UBASH3A: variants seen among roughly 807,000 people sequenced by gnomAD.
UBASH3A encodes ubiquitin-associated and SH3 domain-containing protein A.
A neutral mutation model predicts 73.5 loss-of-function variants in UBASH3A; 63 were observed. The observed-to-expected ratio is 0.86, with a 90% CI of 0.70 to 1.06. UBASH3A has a LOEUF of 1.06. UBASH3A is among the 50% of genes least tolerant of loss of function. The probability of loss-of-function intolerance (pLI) is 0.00; values close to 1 mark genes in which losing one functional copy is unlikely to be tolerated. For missense variants in UBASH3A, 860 were observed against 859.0 expected (o/e 1.00, Z -0.02); for synonymous variants, 363 against 351.1 (o/e 1.03, Z -0.38).
chr21:42,410,786 A>G (rs935010229), intron 3 of UBASH3A, among the ~76,000 whole-genome samples: 48 of 152,278 alleles, frequency 3.2e-4, no homozygotes, highest in East Asian at 9.6e-4. Flanking sequence ...AAGCACACAC[A>G]CACACACACA....
rs1023036085 is a variant in UBASH3A at position 42,409,938 on chromosome 21, C to T, written c.354+330C>T. Among the ~76,000 whole-genome samples, 5 of 152,216 alleles carry T rather than the reference C, an allele frequency of 3.3e-5. No individual in the cohort carries two copies. The East Asian group carries it at 9.7e-4, about 29-fold the overall frequency. ...ACGGGCCATGTGTCTGGTGCAGCAC[C>T]GCATCCCTCACCAGACCGAGTCCCT... On this transcript the variant is annotated intron_variant, in intron 3 of 14. Coordinates refer to ENST00000319294, the MANE Select transcript of UBASH3A (RefSeq NM_018961.4).
chr21:42,431,775 C>A (rs1274587067), intron 8 of UBASH3A, among the ~76,000 whole-genome samples: 1 of 152,138 alleles, frequency 6.6e-6, no homozygotes, highest in Non-Finnish European at 1.5e-5. Flanking sequence ...GGGATAATGT[C>A]CTAAGACGTC....
intron 5 of UBASH3A, among the ~76,000 whole-genome samples, chr21:42,416,216 T>C (rs1393948398): frequency 6.6e-6 from 1 of 152,034 alleles, no homozygotes; most frequent in Non-Finnish European, 1.5e-5. Flanking sequence ...TGCAAACCGA[T>C]AGGCCCCCGA....
intron 10 of UBASH3A, among the ~76,000 whole-genome samples, chr21:42,436,943 G>A (rs1244047940): frequency 6.6e-6 from 1 of 152,264 alleles, no homozygotes; most frequent in African/African-American, 2.4e-5. Context: ...CTTAAAGCCT[G>A]AAGTCAAGGT....
chr21:42,437,399 C>A, intron 10 of UBASH3A, 89 bp from the exon 11 acceptor site: 1 of 1,258,518 alleles, frequency 7.9e-7, no homozygotes, highest in Non-Finnish European at 1.2e-6. Context: ...CTTTGAGGAC[C>A]CTGCCTACCA....
intron 1 of UBASH3A, 150 bp downstream of exon 1, chr21:42,404,208 G>T (rs2052922120): frequency 9.8e-6 from 4 of 406,108 alleles, no homozygotes; most frequent in Non-Finnish European, 1.7e-5. Flanking sequence ...TCTTCACAGG[G>T]CCCTCTTCTG....
rs181934647 is a variant in UBASH3A, at chr21:42,417,221, G to A, written c.837+610G>A. ...GTGGATCACTTCAGGTCAGGTGTTC[G>A]AGACCAGCCTGGGCAACAGGGCAAA... On this transcript the variant is annotated intron_variant, in intron 6 of 14. Transcript: ENST00000319294. Among the ~76,000 whole-genome samples, 434 of 151,854 alleles carry A rather than the reference G, an allele frequency of 2.9e-3. 1 individual carries two copies. Among genetic ancestry groups the A allele is most frequent in the Non-Finnish European group, 5.0e-3 (341 of 67,914 alleles).
intron 12 of UBASH3A, 115 bp from the exon 13 acceptor site, chr21:42,443,197 C>G (rs1041726146): frequency 4.9e-6 from 7 of 1,426,854 alleles, no homozygotes; most frequent in Non-Finnish European, 6.5e-6. Context: ...CATGAGCCTG[C>G]CTTGAGGCAG....
chr21:42,433,523 C>G (rs199944795), intron 9 of UBASH3A, among the ~76,000 whole-genome samples: 1 of 152,164 alleles, frequency 6.6e-6, no homozygotes, highest in African/African-American at 2.4e-5. Flanking sequence ...CCTCTGCCCC[C>G]AGAGTGATCA....
intron 14 of UBASH3A, among the ~76,000 whole-genome samples, 185 bp downstream of exon 14, chr21:42,444,828 G>A (rs1254470433): frequency 6.6e-6 from 1 of 152,166 alleles, no homozygotes; most frequent in Non-Finnish European, 1.5e-5. Flanking sequence ...TGGGGCTGGT[G>A]GATAGGTCAG....
chr21:42,427,153 C>T (rs1369052944), intron 8 of UBASH3A, among the ~76,000 whole-genome samples: 1 of 152,178 alleles, frequency 6.6e-6, no homozygotes. Flanking sequence ...GGTGCCTTGG[C>T]CCCTCATCTT....
chr21:42,405,367 TC>T (rs1268764131), intron 1 of UBASH3A, among the ~76,000 whole-genome samples: 2 of 152,214 alleles, frequency 1.3e-5, no homozygotes, highest in Non-Finnish European at 2.9e-5. Context: ...GAACCAGCTT[TC>T]CATGCCTTTG....
chr21:42,424,607 C>A (rs570059481), intron 7 of UBASH3A, among the ~76,000 whole-genome samples: 109 of 152,208 alleles, frequency 7.2e-4, no homozygotes, highest in Middle Eastern at 3.4e-3. Context: ...TGCCATCCCC[C>A]AGTCAAGATG....
Position 42,434,881 on chromosome 21 carries a change from G to C in UBASH3A, c.1320G>C (p.Arg440=). 1 of 1,614,186 alleles carries C rather than the reference G, an allele frequency of 6.2e-7. No individual in the cohort carries two copies. The highest frequency in any genetic ancestry group is 8.5e-7 in the Non-Finnish European group (1 of 1,180,000). ...DLNFPCSLPR[R]SRGIKDFEND... ...ATTTCCCCTGCAGTCTGCCAAGACG[G>C]AGTCGTGGGATCAAAGACTTTGAAA... Residue 440 remains arginine, a synonymous_variant, in exon 10 of 15, where the codon CGG becomes CGC. Coordinates refer to ENST00000319294, the MANE Select transcript of UBASH3A (RefSeq NM_018961.4).
Position 42,437,610 on chromosome 21 carries a change from A to G in UBASH3A, c.1486+30A>G. 3 of 1,589,838 alleles carry G rather than the reference A, an allele frequency of 1.9e-6. No homozygotes were observed. In the East Asian group the frequency reaches 6.7e-5, roughly 36 times the overall value. On this transcript the variant is annotated intron_variant, in intron 11 of 14. Transcript: ENST00000319294. The stretch of plus-strand genomic sequence containing the variant: ...GTGAGAACCTCGGTGAGCCTCTCCT[A>G]CTGCCTTGACCTTGGGGCTATTCTC...
At position 42,432,109 on chromosome 21, in the gene UBASH3A, G is replaced by T. The variant is rs147765314; in HGVS notation, c.1177G>T (p.Val393Phe). ...LSSLQALQAT[V>F]ARKSVLVVRH... Reference sequence around the variant, plus strand: ...TTCCTGCCCCACCCCCCAGGCTACCGTTGCAAGGAAGAGCGTGCTGGTGGT... The same window carrying T: ...TTCCTGCCCCACCCCCCAGGCTACCTTTGCAAGGAAGAGCGTGCTGGTGGT... Residue 393 changes from valine to phenylalanine, a missense_variant, in exon 9 of 15, where the codon GTT (valine) becomes TTT (phenylalanine). By Grantham distance (50) the Val-to-Phe change is conservative. Coordinates refer to ENST00000319294, the MANE Select transcript of UBASH3A (RefSeq NM_018961.4). 9.3e-6 allele frequency: 15 copies of T among 1,611,754 alleles called. No homozygotes were observed. The highest frequency in any genetic ancestry group is 1.3e-5 in the Non-Finnish European group (15 of 1,178,458).
At chr21:42,439,581 G>A (rs1018257228) in intron 11 of UBASH3A, among the ~76,000 whole-genome samples, 3 of 152,024 alleles carry the variant, frequency 2.0e-5, no homozygotes, top group Non-Finnish European at 2.9e-5. Context: ...AGCTCCACCC[G>A]AGGGCAAGCA....
Position 42,444,540 on chromosome 21 carries a change from T to A in UBASH3A, c.1745T>A (p.Val582Asp). Reference protein sequence around the residue: ...IVNTCPQDTGVILIVSHGSTL... With the variant: ...IVNTCPQDTGDILIVSHGSTL... ...GTGTTCTTGTTTTCCACAGCGGGTG[T>A]CATCCTAATTGTGAGTCACGGCTCC... The change falls in exon 14 of 15, where the codon GTC becomes GAC. Residue 582 changes from valine (V) to aspartate (D), a missense_variant. Physicochemically the swap from Val to Asp is radical, Grantham distance 152. Transcript: ENST00000319294. The A allele has an allele frequency of 6.2e-7, 1 of 1,612,594 alleles. No homozygotes were observed. The highest frequency in any genetic ancestry group is 8.5e-7 in the Non-Finnish European group (1 of 1,179,698).
chr21:42,432,498 G>T (rs913719606), intron 9 of UBASH3A, among the ~76,000 whole-genome samples: 2 of 141,982 alleles, frequency 1.4e-5, no homozygotes, highest in Non-Finnish European at 3.1e-5. Flanking sequence ...GCACACCCCA[G>T]CTTTTCTCCT....
Sources: gnomAD v4.1 joint callset for allele counts (sites outside exome capture counted in the v4.1 genomes callset) on GRCh38, gnomAD v4.1.1 for gene constraint, MANE v1.5 for transcripts, NCBI Gene and HGNC (gene_info 2026-07-23, HGNC 2026-07-21) for gene names.